The following TRPC5 variants were observed in gnomAD, a reference collection of about 807,000 sequenced individuals.
The protein encoded by TRPC5 is transient receptor potential cation channel subfamily C member 5.
TRPC5 carries 9 observed loss-of-function variants against 56.5 expected under a neutral mutation model. That is an observed-to-expected ratio of 0.16 (90% CI 0.10 to 0.28). The LOEUF is 0.28. Among genes scored for constraint, TRPC5 ranks in the 10% least tolerant of loss-of-function variants. TRPC5 has a pLI of 1.00. For synonymous variants in TRPC5, 282 were observed against 278.5 expected (o/e 1.01, Z -0.13); for missense variants, 469 against 748.9 (o/e 0.63, Z 4.36).
In TRPC5 at chrX:111,772,990, T is replaced by G. The variant is rs546865964; in HGVS notation, c.*3323A>C. Reference sequence around the variant, plus strand: ...CTGCCATAAGAACTATAAAGTTCTTTTTGGAAAAGGTATTAAGTCATTTGA... The same window carrying G: ...CTGCCATAAGAACTATAAAGTTCTTGTTGGAAAAGGTATTAAGTCATTTGA... On this transcript the variant is annotated 3_prime_UTR_variant, in exon 11 of 11. Transcript: ENST00000262839. Among the ~76,000 whole-genome samples, 2 of 111,898 alleles carry G rather than the reference T, an allele frequency of 1.8e-5. No homozygotes were observed. The highest frequency in any genetic ancestry group is 6.5e-5 in the African/African-American group (2 of 30,842).
intron 1 of TRPC5, among the ~76,000 whole-genome samples, chrX:111,965,483 A>G (rs1927534757): frequency 8.9e-6 from 1 of 111,955 alleles, no homozygotes; most frequent in Non-Finnish European, 1.9e-5. Context: ...CCTAATAGAC[A>G]TCTACAGAAC....
At chrX:111,983,061 A>G (rs964531153) in intron 1 of TRPC5, among the ~76,000 whole-genome samples, 3 of 111,969 alleles carry the variant, frequency 2.7e-5, no homozygotes, top group African/African-American at 6.5e-5. Context: ...AGAATATGGT[A>G]AGACCAGTGA....
Position 112,056,156 on chromosome X carries a change from C to A in TRPC5, c.-22+25723G>T, listed in dbSNP as rs184880181. Among the ~76,000 whole-genome samples the A allele has an allele frequency of 1.0e-3, 115 of 111,739 alleles. 2 individuals are homozygous for A. The highest frequency in any genetic ancestry group is 0.01 in the Admixed American group (106 of 10,502). On this transcript the variant is annotated intron_variant, in intron 1 of 10. Transcript: ENST00000262839. ...TGCAGCCCTAAATCAGGGTGCATAGCTTGGTAAGTCTGTGCAGTGGCTCAA... is the reference window on the plus strand; with the variant it reads ...TGCAGCCCTAAATCAGGGTGCATAGATTGGTAAGTCTGTGCAGTGGCTCAA...
rs773983065 is a variant in TRPC5 at position 111,944,267 on chromosome X, A to AGTATGT, written c.378+7775_378+7776insACATAC. On this transcript the variant is annotated intron_variant, in intron 2 of 10. Transcript: ENST00000262839. The stretch of plus-strand genomic sequence containing the variant: ...GGCCAAGGAGGTGTGGGAGTAGAAG[A>AGTATGT]GTGTGTGTGTGTGTGTGTGTGTGTG... Among the ~76,000 whole-genome samples the AGTATGT allele has an allele frequency of 3.2e-3, 233 of 71,701 alleles. 3 individuals are homozygous for AGTATGT. The highest frequency in any genetic ancestry group is 0.013 in the African/African-American group (216 of 17,098). The allele number at this position is 71,701 out of a possible 115,157, so 62.3% of individuals were successfully genotyped here.
intron 1 of TRPC5, among the ~76,000 whole-genome samples, chrX:112,061,018 T>C (rs1472282289): frequency 8.9e-6 from 1 of 112,680 alleles, no homozygotes; most frequent in Non-Finnish European, 1.9e-5. Context: ...CTTAATTTTC[T>C]GTTTCCTCCT....
chrX:111,851,554 C>G (rs1287941842), intron 5 of TRPC5, among the ~76,000 whole-genome samples: 2 of 105,857 alleles, frequency 1.9e-5, no homozygotes, highest in Non-Finnish European at 3.9e-5. Context: ...TGTACATTAT[C>G]TGAATTGGTA....
intron 1 of TRPC5, among the ~76,000 whole-genome samples, chrX:112,005,570 C>T (rs1211340206): frequency 9.1e-6 from 1 of 109,856 alleles, no homozygotes; most frequent in African/African-American, 3.3e-5. Context: ...TTCAGAAGTT[C>T]TGCAGGTGAC....
At chrX:111,976,864 TA>T (rs368460887) in intron 1 of TRPC5, among the ~76,000 whole-genome samples, 1,339 of 102,588 alleles carry the variant, frequency 0.013, 15 homozygotes, top group African/African-American at 0.044. Flanking sequence ...GAAGAAAAAT[TA>T]AAAAAAAAAA....
chrX:111,841,445 G>A lies in TRPC5; in HGVS notation c.1700+5669C>T, dbSNP rs143801371. Among the ~76,000 whole-genome samples the A allele has an allele frequency of 1.9e-4, 21 of 111,616 alleles. No individual in the cohort carries two copies. In the East Asian group the frequency reaches 5.1e-3, roughly 27 times the overall value. On this transcript the variant is annotated intron_variant, in intron 6 of 10. Transcript: ENST00000262839. Reference sequence around the variant, plus strand: ...AACTCGGGACAGCCTGATTAACTGCGTTGTACTCTAGTTTCCCTATCTGTA... The same window carrying A: ...AACTCGGGACAGCCTGATTAACTGCATTGTACTCTAGTTTCCCTATCTGTA...
intron 2 of TRPC5, among the ~76,000 whole-genome samples, chrX:111,928,790 G>A: frequency 8.9e-6 from 1 of 112,378 alleles, no homozygotes; most frequent in East Asian, 2.8e-4. Context: ...AACATCGGCT[G>A]TCTTGTTCTT....
chrX:111,911,105 T>C (rs1341713013), intron 3 of TRPC5, among the ~76,000 whole-genome samples: 2 of 112,332 alleles, frequency 1.8e-5, no homozygotes, highest in African/African-American at 6.5e-5. Context: ...ATTTGTTTTT[T>C]GCCTCATTTC....
chrX:111,797,726 C>T (rs1432057627), intron 7 of TRPC5, among the ~76,000 whole-genome samples: 5 of 111,182 alleles, frequency 4.5e-5, no homozygotes, highest in Non-Finnish European at 7.6e-5. Flanking sequence ...TCTTTCATTG[C>T]GTATGTTTTT....
At chrX:111,893,079 G>T (rs55842356) in intron 3 of TRPC5, among the ~76,000 whole-genome samples, 4,921 of 88,107 alleles carry the variant, frequency 0.056, 150 homozygotes, top group Non-Finnish European at 0.088. Context: ...CAAATATAGG[G>T]TTTTTTTTTT....
intron 10 of TRPC5, 110 bp from the exon 11 acceptor site, chrX:111,777,112 A>G (rs1945885260): frequency 2.8e-5 from 15 of 541,375 alleles, no homozygotes; most frequent in Non-Finnish European, 4.2e-5. Context: ...AGCAAATCAC[A>G]AAACACCAGA....
At chrX:111,954,349 A>G (rs1927171384) in intron 1 of TRPC5, among the ~76,000 whole-genome samples, 1 of 111,843 alleles carries the variant, frequency 8.9e-6, no homozygotes, top group Non-Finnish European at 1.9e-5. Context: ...AAACAATACA[A>G]CCCTGCTCAT....
rs186411518 is a variant in TRPC5, at chrX:111,970,248, A to G, written c.-21-17807T>C. On this transcript the variant is annotated intron_variant, in intron 1 of 10. Coordinates refer to ENST00000262839, the MANE Select transcript of TRPC5 (RefSeq NM_012471.3). ...TAGATTCTATTTCTTCATGACTTCT[A>G]TTATTCTTCAAAGATGCTTAATTTG... Among the ~76,000 whole-genome samples the G allele has an allele frequency of 1.0e-3, 113 of 111,646 alleles. 2 individuals carry two copies. Among genetic ancestry groups the G allele is most frequent in the Non-Finnish European group, 1.2e-3 (64 of 53,148 alleles).
intron 1 of TRPC5, among the ~76,000 whole-genome samples, chrX:111,997,935 A>C (rs1037195524): frequency 9.0e-6 from 1 of 111,170 alleles, no homozygotes; most frequent in African/African-American, 3.3e-5. Flanking sequence ...ATGGGTTCAA[A>C]CATCCTCCTT....
chrX:111,776,097 A>G lies in TRPC5; in HGVS notation c.*216T>C, dbSNP rs750649401. On this transcript the variant is annotated 3_prime_UTR_variant, in exon 11 of 11. Coordinates refer to ENST00000262839, the MANE Select transcript of TRPC5 (RefSeq NM_012471.3). ...CTTCAGTCGGTTGTAAGATGGACTT[A>G]GTGTGTATAGGTATTAAAAAGGCAA... 2 of 331,423 alleles carry G rather than the reference A, an allele frequency of 6.0e-6. No homozygotes were observed. The highest frequency in any genetic ancestry group is 2.7e-4 in the South Asian group (2 of 7,544). The allele number at this position is 331,423 out of a possible 1,213,427, so 27.3% of individuals were successfully genotyped here.
At chrX:112,047,304 C>G (rs915986485) in intron 1 of TRPC5, among the ~76,000 whole-genome samples, 1 of 111,514 alleles carries the variant, frequency 9.0e-6, no homozygotes, top group African/African-American at 3.3e-5. Flanking sequence ...AAGTGGTTTT[C>G]AGGCTTTATA....
Sources: allele counts gnomAD v4.1 joint callset (sites outside exome capture counted in the v4.1 genomes callset), GRCh38; gene constraint gnomAD v4.1.1; transcripts MANE v1.5; gene names NCBI Gene and HGNC (gene_info 2026-07-23, HGNC 2026-07-21).